The following AHSG variants were observed in gnomAD, a reference collection of about 807,000 sequenced individuals.
AHSG encodes alpha 2-HS glycoprotein.
In AHSG, 23 loss-of-function variants were observed where a neutral mutation model predicts 30.1. The ratio of observed to expected loss-of-function variants is 0.76; its 90% CI spans 0.55 to 1.08. AHSG has a LOEUF of 1.08. AHSG is among the 50% of genes least tolerant of loss of function. AHSG has a pLI of 0.00. For missense variants in AHSG, 469 were observed against 459.5 expected, an observed-to-expected ratio of 1.02 and a Z score of -0.19; for synonymous variants, 164 against 186.3, an observed-to-expected ratio of 0.88 and a Z score of 0.98.
At position 186,618,648 on chromosome 3, in the gene AHSG, C is replaced by G. The variant is rs200390600; in HGVS notation, c.675+11C>G. On this transcript the variant is annotated intron_variant, in intron 5 of 6. Coordinates refer to ENST00000411641, the MANE Select transcript of AHSG (RefSeq NM_001622.4). ...CTGCTGGCAGAAAAGGTGAGTGGGC[C>G]GGGACCTTGGGGTGTTACCACTCGG... is the stretch of plus-strand genomic sequence containing the variant. 3.7e-6 allele frequency: 6 copies of G among 1,613,290 alleles called. No individual in the cohort carries two copies. The African/African-American group carries it at 8.0e-5, about 22-fold the overall frequency.
chr3:186,621,203 A>T lies in AHSG; in HGVS notation c.*273A>T. 2 of 434,688 alleles carry T rather than the reference A, an allele frequency of 4.6e-6. No homozygotes were observed. Among genetic ancestry groups the T allele is most frequent in the Middle Eastern group, 6.3e-4 (1 of 1,586 alleles). The allele number at this position is 434,688 out of a possible 1,614,324, so 26.9% of individuals were successfully genotyped here. On this transcript the variant is annotated 3_prime_UTR_variant, in exon 7 of 7. Transcript: ENST00000411641. ...TGATTGTGTTCTCTGCCTCTGGTTG[A>T]CCTTACAAAAACCATTGGAACTGTG... is the stretch of plus-strand genomic sequence containing the variant.
At chr3:186,619,593 T>G (rs866183872) in intron 5 of AHSG, among the ~76,000 whole-genome samples, 2 of 152,172 alleles carry the variant, frequency 1.3e-5, no homozygotes, top group African/African-American at 4.8e-5. Context: ...TTTAATAGTA[T>G]TTTAAAATAA....
intron 3 of AHSG, 133 bp downstream of exon 3, chr3:186,616,660 T>G (rs945511983): frequency 2.5e-6 from 2 of 799,474 alleles, no homozygotes; most frequent in Non-Finnish European, 3.9e-6. Flanking sequence ...TCCTGGGTTC[T>G]GGGATTTTTA....
rs1335373803 is a variant in AHSG, at chr3:186,620,601, C to T, written c.775C>T (p.Pro259Ser). The change falls in exon 7 of 7, where the codon CCC (proline) becomes TCC (serine). Residue 259 changes from proline to serine, a missense_variant. Coordinates refer to ENST00000411641, the MANE Select transcript of AHSG (RefSeq NM_001622.4). ...VFQTQPVSSQ[P>S]QPEGANEAVP... is the part of the protein sequence containing the mutation. ...CTTTTTCCAGCCCGTGAGCTCACAG[C>T]CCCAACCAGAAGGTGCCAATGAAGC... The T allele has an allele frequency of 1.9e-6, 3 of 1,602,850 alleles. No individual in the cohort carries two copies. Among genetic ancestry groups the T allele is most frequent in the African/African-American group, 1.3e-5 (1 of 74,716 alleles).
At chr3:186,618,860 A>G (rs1385433021) in intron 5 of AHSG, among the ~76,000 whole-genome samples, 1 of 152,226 alleles carries the variant, frequency 6.6e-6, no homozygotes, top group African/African-American at 2.4e-5. Context: ...GTTAGGAGAA[A>G]GAGAGAGGCT....
chr3:186,620,588 C>T lies in AHSG; in HGVS notation c.762C>T (p.Pro254=), dbSNP rs776590678. 19 of 1,589,568 alleles carry T rather than the reference C, an allele frequency of 1.2e-5. No homozygotes were observed. Among genetic ancestry groups the T allele is most frequent in the Middle Eastern group, 1.7e-4 (1 of 5,974 alleles). The change falls in exon 7 of 7, where the codon CCC becomes CCT. Residue 254 remains proline (P), a splice_region_variant and synonymous_variant. Transcript: ENST00000411641. Reference sequence around the variant, plus strand: ...GAAGGAAATGGTCCTTTTTCCAGCCCGTGAGCTCACAGCCCCAACCAGAAG... The same window carrying T: ...GAAGGAAATGGTCCTTTTTCCAGCCTGTGAGCTCACAGCCCCAACCAGAAG... The part of the protein sequence containing the change: ...AVTCMVFQTQ[P]VSSQPQPEGA...
At chr3:186,618,760 C>T in intron 5 of AHSG, 123 bp downstream of exon 5, 3 of 1,452,876 alleles carry the variant, frequency 2.1e-6, no homozygotes, top group Non-Finnish European at 2.8e-6. Flanking sequence ...TCCCCTCTCC[C>T]TGTGGATCAC....
intron 6 of AHSG, 94 bp downstream of exon 6, chr3:186,620,034 C>G: frequency 1.1e-6 from 1 of 885,248 alleles, no homozygotes; most frequent in Non-Finnish European, 1.7e-6. Context: ...GACATTTGCT[C>G]TCCTGTGCTT....
Position 186,613,248 on chromosome 3 carries a change from A to C in AHSG, c.107A>C (p.Glu36Ala), listed in dbSNP as rs745960136. The change falls in exon 1 of 7, where the codon GAA becomes GCA. Residue 36 changes from glutamate (E) to alanine (A), a missense_variant. Transcript: ENST00000411641. ...IYRQPNCDDPETEEAALVAID... is the reference protein window; with the variant it reads ...IYRQPNCDDPATEEAALVAID... ...AGACAACCGAACTGCGATGATCCAG[A>C]AACTGAGGAAGCAGCTCTGGTGGCT... 1.2e-6 allele frequency: 2 copies of C among 1,614,066 alleles called. No homozygotes were observed. Among genetic ancestry groups the C allele is most frequent in the Admixed American group, 1.7e-5 (1 of 60,008 alleles).
intron 1 of AHSG, among the ~76,000 whole-genome samples, chr3:186,614,153 C>T (rs995263176): frequency 3.3e-5 from 5 of 152,056 alleles, no homozygotes; most frequent in African/African-American, 1.2e-4. Flanking sequence ...AAATATGCCT[C>T]GGGGATCAGT....
Position 186,613,110 on chromosome 3 carries a change from T to C in AHSG, c.-32T>C, listed in dbSNP as rs778425153. 2 of 1,609,898 alleles carry C rather than the reference T, an allele frequency of 1.2e-6. No homozygotes were observed. Among genetic ancestry groups the C allele is most frequent in the South Asian group, 1.1e-5 (1 of 90,632 alleles). ...GTTGGTCCCGAAGCCTCCAACCACC[T>C]GCACGCCTGCCAGGGCCTCTCTGGG... On this transcript the variant is annotated 5_prime_UTR_variant, in exon 1 of 7. Coordinates refer to ENST00000411641, the MANE Select transcript of AHSG (RefSeq NM_001622.4).
rs1716329256 is a variant in AHSG, at chr3:186,617,175, C to G, written c.410-12C>G. On this transcript the variant is annotated splice_polypyrimidine_tract_variant and intron_variant, in intron 3 of 6. Coordinates refer to ENST00000411641, the MANE Select transcript of AHSG (RefSeq NM_001622.4). ...ATGGCTGCCCACATCCTGGTTTCCT[C>G]TCTCCGAGCAGACTCAGCCGAGGAC... 1 of 1,602,774 alleles carries G rather than the reference C, an allele frequency of 6.2e-7. No individual in the cohort carries two copies. Among genetic ancestry groups the G allele is most frequent in the Admixed American group, 1.7e-5 (1 of 59,388 alleles).
At chr3:186,614,758 C>T (rs1400227997) in intron 1 of AHSG, among the ~76,000 whole-genome samples, 2 of 152,348 alleles carry the variant, frequency 1.3e-5, no homozygotes, top group East Asian at 3.9e-4. Context: ...ACTCTGGGCA[C>T]ACCTGGACAT....
rs371620104 is a variant in AHSG at position 186,620,690 on chromosome 3, C to T, written c.864C>T (p.Leu288=). The T allele has an allele frequency of 1.2e-6, 2 of 1,614,094 alleles. No individual in the cohort carries two copies. Among genetic ancestry groups the T allele is most frequent in the African/African-American group, 1.3e-5 (1 of 74,928 alleles). Residue 288 remains leucine, a synonymous_variant, in exon 7 of 7, where the codon CTC becomes CTT. Coordinates refer to ENST00000411641, the MANE Select transcript of AHSG (RefSeq NM_001622.4). ...PPSPPLGAPG[L]PPAGSPPDSH... The stretch of plus-strand genomic sequence containing the variant: ...CCCCTCCACTTGGCGCACCTGGACT[C>T]CCTCCAGCTGGCTCACCCCCAGACT...
Position 186,613,157 on chromosome 3 carries a change from CTGCTCCTTTGTCT to C in AHSG, c.22_34del (p.Leu8SerfsTer14). 1 of 1,614,116 alleles carries C rather than the reference CTGCTCCTTTGTCT, an allele frequency of 6.2e-7. No individual in the cohort carries two copies. The highest frequency in any genetic ancestry group is 8.5e-7 in the Non-Finnish European group (1 of 1,180,014). ...TGGGGCAGCCATGAAGTCCCTCGTC[CTGCTCCTTTGTCT>C]TGCTCAGCTCTGGGGCTGCCACTCA... On this transcript the variant is annotated frameshift_variant, in exon 1 of 7. Coordinates refer to ENST00000411641, the MANE Select transcript of AHSG (RefSeq NM_001622.4). LOFTEE classifies it high-confidence loss of function.
At chr3:186,616,552 A>AG (rs1553853009) in intron 3 of AHSG, 25 bp downstream of exon 3, 1 of 1,563,006 alleles carries the variant, frequency 6.4e-7, no homozygotes, top group Non-Finnish European at 8.7e-7. Flanking sequence ...TCTTATTCTC[A>AG]TTTTTTCCTT....
chr3:186,621,042 C>CGTG lies in AHSG; in HGVS notation c.*113_*114insTGG. On this transcript the variant is annotated 3_prime_UTR_variant, in exon 7 of 7. Transcript: ENST00000411641. Reference sequence around the variant, plus strand: ...CTGCTGGCCACGCAAGTGTCACATGCGATCTACATTAATATCAAGTCTTGA... The same window carrying CGTG: ...CTGCTGGCCACGCAAGTGTCACATGCGTGGATCTACATTAATATCAAGTCTTGA... 3 of 985,412 alleles carry CGTG rather than the reference C, an allele frequency of 3.0e-6. No individual in the cohort carries two copies. The highest frequency in any genetic ancestry group is 2.6e-5 in the East Asian group (1 of 38,000). The allele number at this position is 985,412 out of a possible 1,614,324, so 61.0% of individuals were successfully genotyped here.
chr3:186,619,926 G>A lies in AHSG; in HGVS notation c.745G>A (p.Val249Met). The A allele has an allele frequency of 6.2e-7, 1 of 1,611,356 alleles. No individual in the cohort carries two copies. Among genetic ancestry groups the A allele is most frequent in the South Asian group, 1.1e-5 (1 of 90,546 alleles). ...GGAEVAVTCM[V>M]FQTQPVSSQP... is the part of the protein sequence containing the mutation. ...GGCAGAGGTTGCAGTGACCTGCATGGTGTTCCAAACACAGGTAACAGCTCC... is the reference window on the plus strand; with the variant it reads ...GGCAGAGGTTGCAGTGACCTGCATGATGTTCCAAACACAGGTAACAGCTCC... The change falls in exon 6 of 7, where the codon GTG becomes ATG. Residue 249 changes from valine (V) to methionine (M), a missense_variant. Physicochemically the swap from Val to Met is conservative, Grantham distance 21. Transcript: ENST00000411641.
chr3:186,615,788 A>G lies in AHSG; in HGVS notation c.317A>G (p.Lys106Arg), dbSNP rs1560248960. The change falls in exon 2 of 7, where the codon AAG becomes AGG. Residue 106 changes from lysine to arginine, a missense_variant. Physicochemically the swap from Lys to Arg is conservative, Grantham distance 26. Transcript: ENST00000411641. ...PVARCSVRQL[K>R]EHAVEGDCDF... ...GCAAGATGCAGCGTGAGGCAGCTGA[A>G]GGAGCATGTGAGTACCCTTCTTAGG... 1 of 1,614,152 alleles carries G rather than the reference A, an allele frequency of 6.2e-7. No individual in the cohort carries two copies. The highest frequency in any genetic ancestry group is 8.5e-7 in the Non-Finnish European group (1 of 1,179,946).
Sources: gnomAD v4.1 joint callset for allele counts (sites outside exome capture counted in the v4.1 genomes callset) on GRCh38, gnomAD v4.1.1 for gene constraint, MANE v1.5 for transcripts, NCBI Gene and HGNC (gene_info 2026-07-23, HGNC 2026-07-21) for gene names.